Variants in RYR2 observed in about 807,000 individuals in gnomAD.
The protein encoded by RYR2 is ryanodine receptor 2.
A neutral mutation model predicts 601.1 loss-of-function variants in RYR2; 227 were observed. The ratio of observed to expected loss-of-function variants is 0.38; its 90% CI spans 0.34 to 0.42. RYR2 has a LOEUF of 0.42. RYR2 is among the 10% of genes least tolerant of loss of function. The pLI is 1.00. For synonymous variants in RYR2, 2,223 were observed against 2,175.1 expected, an observed-to-expected ratio of 1.02 and a Z score of -0.61; for missense variants, 4,646 against 6,156.5, an observed-to-expected ratio of 0.75 and a Z score of 8.21.
intron 12 of RYR2, among the ~76,000 whole-genome samples, chr1:237,425,633 CAA>C (rs952288986): frequency 7.4e-6 from 1 of 136,034 alleles, no homozygotes. Flanking sequence ...GACTCTGTCT[CAA>C]AAAAAAAAAG....
intron 4 of RYR2, among the ~76,000 whole-genome samples, chr1:237,358,599 A>C (rs1311055567): frequency 6.6e-6 from 1 of 151,978 alleles, no homozygotes; most frequent in Non-Finnish European, 1.5e-5. Context: ...CTAGCTGGTC[A>C]GTGGCAATTC....
chr1:237,209,579 A>G lies in RYR2; in HGVS notation c.49-60918A>G, dbSNP rs141242323. 2.0e-5 allele frequency among the ~76,000 whole-genome samples: 3 copies of G among 151,610 alleles called. No individual in the cohort carries two copies. The East Asian group carries it at 5.8e-4, about 29-fold the overall frequency. On this transcript the variant is annotated intron_variant, in intron 1 of 104. Coordinates refer to ENST00000366574, the MANE Select transcript of RYR2 (RefSeq NM_001035.3). Reference sequence around the variant, plus strand: ...TTGAAAATGCCAGAGAGGGCTGGGCACAGTGGCTTCTGCCTGTAATCCCAG... The same window carrying G: ...TTGAAAATGCCAGAGAGGGCTGGGCGCAGTGGCTTCTGCCTGTAATCCCAG...
chr1:237,188,180 T>C (rs555536068), intron 1 of RYR2, among the ~76,000 whole-genome samples: 1 of 152,320 alleles, frequency 6.6e-6, no homozygotes, highest in East Asian at 1.9e-4. Flanking sequence ...GTTACAGCTG[T>C]AAATGTATTT....
At chr1:237,352,662 A>G (rs1698958745) in intron 3 of RYR2, among the ~76,000 whole-genome samples, 1 of 152,208 alleles carries the variant, frequency 6.6e-6, no homozygotes, top group Non-Finnish European at 1.5e-5. Flanking sequence ...GAACAAGGTT[A>G]GAGTCTTTGA....
chr1:237,605,673 A>G (rs1221299247), intron 35 of RYR2, among the ~76,000 whole-genome samples: 10 of 151,632 alleles, frequency 6.6e-5, no homozygotes, highest in South Asian at 2.1e-4. Flanking sequence ...AAACCCCATC[A>G]TCTCAGCCCA....
chr1:237,205,783 C>T (rs1435420837), intron 1 of RYR2, among the ~76,000 whole-genome samples: 1 of 152,252 alleles, frequency 6.6e-6, no homozygotes, highest in Non-Finnish European at 1.5e-5. Flanking sequence ...CCTGCAGCTG[C>T]AGCTGAGGCC....
At chr1:237,161,443 G>C (rs1324129157) in intron 1 of RYR2, among the ~76,000 whole-genome samples, 4 of 151,210 alleles carry the variant, frequency 2.6e-5, no homozygotes, top group Non-Finnish European at 5.9e-5. Flanking sequence ...TATCAACTAG[G>C]AGGGTTTTTT....
chr1:237,669,825 G>A (rs1170219890), intron 58 of RYR2, among the ~76,000 whole-genome samples: 1 of 151,210 alleles, frequency 6.6e-6, no homozygotes, highest in Non-Finnish European at 1.5e-5. Context: ...AGGCAGAGGG[G>A]CTCCTCACAT....
intron 4 of RYR2, among the ~76,000 whole-genome samples, chr1:237,360,726 A>G (rs1360845127): frequency 6.6e-6 from 1 of 152,200 alleles, no homozygotes; most frequent in Non-Finnish European, 1.5e-5. Context: ...ATTTCAATAG[A>G]ATGTATTATT....
chr1:237,470,281 A>T (rs1660568015), intron 17 of RYR2, among the ~76,000 whole-genome samples: 1 of 152,156 alleles, frequency 6.6e-6, no homozygotes, highest in African/African-American at 2.4e-5. Flanking sequence ...TCACTCAAAA[A>T]ATACCACTGT....
intron 12 of RYR2, among the ~76,000 whole-genome samples, chr1:237,432,321 T>A (rs1706904902): frequency 6.6e-6 from 1 of 152,136 alleles, no homozygotes; most frequent in Non-Finnish European, 1.5e-5. Context: ...GAGCTCCGAA[T>A]CATAACTTGT....
At position 237,454,534 on chromosome 1, in the gene RYR2, T is replaced by G; in HGVS notation, c.1436T>G (p.Leu479Arg). 1 of 1,613,376 alleles carries G rather than the reference T, an allele frequency of 6.2e-7. No homozygotes were observed. Among genetic ancestry groups the G allele is most frequent in the Non-Finnish European group, 8.5e-7 (1 of 1,179,558 alleles). The stretch of plus-strand genomic sequence containing the variant: ...GAGCATGAAGACAAACAGAACAGAC[T>G]ACGAGCCCTGAAGAATCGGCAAAAT... ...HLEHEDKQNR[L>R]RALKNRQNLF... Residue 479 changes from leucine to arginine, a missense_variant, in exon 15 of 105, where the codon CTA becomes CGA. Transcript: ENST00000366574.
chr1:237,303,650 G>T (rs1337616193), intron 2 of RYR2, among the ~76,000 whole-genome samples: 1 of 152,036 alleles, frequency 6.6e-6, no homozygotes, highest in Non-Finnish European at 1.5e-5. Context: ...TATACTACCT[G>T]AAAACCTTGT....
chr1:237,273,924 TA>T (rs1170525102), intron 2 of RYR2, among the ~76,000 whole-genome samples: 1 of 146,358 alleles, frequency 6.8e-6, no homozygotes, highest in Non-Finnish European at 1.5e-5. Context: ...ACAAGTATTA[TA>T]AAATATATAT....
At chr1:237,324,968 C>G (rs533032564) in intron 2 of RYR2, among the ~76,000 whole-genome samples, 2 of 152,324 alleles carry the variant, frequency 1.3e-5, no homozygotes, top group South Asian at 4.1e-4. Flanking sequence ...CTCTAACTGC[C>G]TGTATCCCTA....
chr1:237,605,672 C>T (rs1677039345), intron 35 of RYR2, among the ~76,000 whole-genome samples: 2 of 151,774 alleles, frequency 1.3e-5, no homozygotes, highest in East Asian at 1.9e-4. Flanking sequence ...AAAACCCCAT[C>T]ATCTCAGCCC....
chr1:237,504,672 A>G (rs1665028020), intron 22 of RYR2, among the ~76,000 whole-genome samples: 1 of 152,192 alleles, frequency 6.6e-6, no homozygotes, highest in South Asian at 2.1e-4. Flanking sequence ...TTAAGGTATA[A>G]TAGTGTTAAG....
At chr1:237,132,761 C>T (rs1672297353) in intron 1 of RYR2, among the ~76,000 whole-genome samples, 1 of 152,032 alleles carries the variant, frequency 6.6e-6, no homozygotes, top group Non-Finnish European at 1.5e-5. Context: ...AATCACATAT[C>T]CAAGAAGCTT....
At chr1:237,465,981 G>A (rs571782354) in intron 16 of RYR2, among the ~76,000 whole-genome samples, 15 of 152,022 alleles carry the variant, frequency 9.9e-5, no homozygotes, top group South Asian at 2.1e-4. Flanking sequence ...GAATATGTGC[G>A]AAAAAGCTTT....
Sources: allele counts gnomAD v4.1 joint callset (sites outside exome capture counted in the v4.1 genomes callset), GRCh38; gene constraint gnomAD v4.1.1; transcripts MANE v1.5; gene names NCBI Gene and HGNC (gene_info 2026-07-23, HGNC 2026-07-21).